Variants in L3MBTL4 observed in about 807,000 individuals in gnomAD.
The protein encoded by L3MBTL4 is L3MBTL histone methyl-lysine binding protein 4.
A neutral mutation model predicts 84.5 loss-of-function variants in L3MBTL4; 70 were observed. The observed-to-expected ratio is 0.83, with a 90% CI of 0.68 to 1.01. The LOEUF (loss-of-function observed/expected upper bound fraction) is 1.01. L3MBTL4 is among the 50% of genes least tolerant of loss of function. L3MBTL4 has a pLI of 0.00. For missense variants in L3MBTL4, 715 were observed against 754.8 expected (o/e 0.95, Z 0.62); for synonymous variants, 274 against 259.8 (o/e 1.05, Z -0.52).
chr18:6,293,079 C>T (rs969607309), intron 4 of L3MBTL4, among the ~76,000 whole-genome samples: 1 of 152,152 alleles, frequency 6.6e-6, no homozygotes, highest in African/African-American at 2.4e-5. Context: ...AGTGTATACC[C>T]CAACTATAAT....
chr18:6,163,266 G>GGT (rs1555675540), intron 13 of L3MBTL4, among the ~76,000 whole-genome samples: 2 of 96,316 alleles, frequency 2.1e-5, no homozygotes, highest in Non-Finnish European at 4.5e-5. Flanking sequence ...GTGTGGGGGG[G>GGT]GGGTGGGTGT....
intron 16 of L3MBTL4, among the ~76,000 whole-genome samples, chr18:6,055,523 C>T (rs564197578): frequency 4.6e-5 from 7 of 152,226 alleles, no homozygotes; most frequent in African/African-American, 1.7e-4. Flanking sequence ...GATTTTTTTG[C>T]TGGGGCAATC....
chr18:6,360,609 G>T (rs1176656282), intron 1 of L3MBTL4, among the ~76,000 whole-genome samples: 5 of 152,148 alleles, frequency 3.3e-5, no homozygotes, highest in African/African-American at 1.2e-4. Flanking sequence ...ACGAGATGGT[G>T]ATCAAATCAT....
chr18:6,357,084 C>T (rs1272530099), intron 1 of L3MBTL4, among the ~76,000 whole-genome samples: 4 of 152,096 alleles, frequency 2.6e-5, no homozygotes, highest in East Asian at 1.9e-4. Context: ...TTGTGCACCA[C>T]GTGACTTTAT....
intron 1 of L3MBTL4, among the ~76,000 whole-genome samples, chr18:6,399,103 T>C (rs576104332): frequency 1.3e-5 from 2 of 152,198 alleles, no homozygotes; most frequent in Non-Finnish European, 2.9e-5. Context: ...TAAGGCCACA[T>C]GAAACCTCTT....
chr18:6,259,838 G>A (rs988974583), intron 5 of L3MBTL4: 5 of 152,106 alleles, frequency 3.3e-5, no homozygotes, highest in African/African-American at 1.2e-4. Context: ...TTGCTTTTGA[G>A]GATTTAGTCA....
chr18:5,985,438 C>T (rs1388148076), intron 16 of L3MBTL4, among the ~76,000 whole-genome samples: 3 of 152,132 alleles, frequency 2.0e-5, no homozygotes, highest in Non-Finnish European at 4.4e-5. Context: ...TGGCCCAACA[C>T]TCAGGCAGTG....
chr18:6,338,290 A>G (rs894751405), intron 1 of L3MBTL4, among the ~76,000 whole-genome samples: 7 of 151,996 alleles, frequency 4.6e-5, no homozygotes, highest in African/African-American at 1.4e-4. Flanking sequence ...AAGAAAAATG[A>G]TCCCCAACAG....
At chr18:6,072,491 T>C (rs183980859) in intron 16 of L3MBTL4, among the ~76,000 whole-genome samples, 27 of 152,188 alleles carry the variant, frequency 1.8e-4, no homozygotes, top group Admixed American at 1.6e-3. Context: ...ACTCATGGAA[T>C]GCAGGAAAAG....
At chr18:6,117,365 A>G (rs1276177266) in intron 14 of L3MBTL4, among the ~76,000 whole-genome samples, 1 of 152,196 alleles carries the variant, frequency 6.6e-6, no homozygotes, top group African/African-American at 2.4e-5. Flanking sequence ...AAGGGAAATA[A>G]CCCAGAAATT....
chr18:6,043,039 G>A (rs572596483), intron 16 of L3MBTL4, among the ~76,000 whole-genome samples: 2 of 152,260 alleles, frequency 1.3e-5, no homozygotes, highest in Non-Finnish European at 2.9e-5. Context: ...CTATTCAGTT[G>A]TCCAAGCCAT....
intron 1 of L3MBTL4, among the ~76,000 whole-genome samples, chr18:6,378,178 T>C (rs2054449497): frequency 1.3e-5 from 2 of 152,240 alleles, no homozygotes; most frequent in African/African-American, 4.8e-5. Flanking sequence ...TGTTTTTTTC[T>C]TGTAAATTTG....
intron 14 of L3MBTL4, among the ~76,000 whole-genome samples, chr18:6,126,784 T>A (rs1273108287): frequency 6.6e-6 from 1 of 152,254 alleles, no homozygotes; most frequent in Admixed American, 6.5e-5. Flanking sequence ...ATGCTTTTAC[T>A]AAATTGGGTA....
At chr18:6,252,155 T>C (rs1233617673) in intron 5 of L3MBTL4, among the ~76,000 whole-genome samples, 1 of 152,036 alleles carries the variant, frequency 6.6e-6, no homozygotes, top group Non-Finnish European at 1.5e-5. Flanking sequence ...CTACTAAAAA[T>C]ACAAAAAATT....
At chr18:6,209,839 C>T (rs761475845) in intron 12 of L3MBTL4, among the ~76,000 whole-genome samples, 1 of 152,160 alleles carries the variant, frequency 6.6e-6, no homozygotes, top group Non-Finnish European at 1.5e-5. Context: ...ATATTTACTA[C>T]AGTATGGATG....
chr18:6,345,215 CAAAAAAAAAAA>C (rs35502624), intron 1 of L3MBTL4, among the ~76,000 whole-genome samples: 2 of 38,498 alleles, frequency 5.2e-5, no homozygotes, highest in East Asian at 7.1e-4. Flanking sequence ...TACTAAAATA[CAAAAAAAAAAA>C]AAAAAAAAAA....
At chr18:6,348,803 T>C (rs1257097654) in intron 1 of L3MBTL4, among the ~76,000 whole-genome samples, 1 of 152,116 alleles carries the variant, frequency 6.6e-6, no homozygotes, top group Non-Finnish European at 1.5e-5. Flanking sequence ...CTGCAACACA[T>C]TGGTCACATG....
chr18:6,298,724 A>G (rs2050208572), intron 4 of L3MBTL4, among the ~76,000 whole-genome samples: 1 of 152,280 alleles, frequency 6.6e-6, no homozygotes, highest in East Asian at 1.9e-4. Context: ...AATACAAAAA[A>G]TTAGCCAGGC....
At chr18:6,368,643 G>A (rs1407748533) in intron 1 of L3MBTL4, among the ~76,000 whole-genome samples, 7 of 152,202 alleles carry the variant, frequency 4.6e-5, no homozygotes, top group Admixed American at 4.6e-4. Context: ...AGTATACCAA[G>A]TGGTCCCTTG....
Sources: gnomAD v4.1 joint callset for allele counts (sites outside exome capture counted in the v4.1 genomes callset) on GRCh38, gnomAD v4.1.1 for gene constraint, MANE v1.5 for transcripts, NCBI Gene and HGNC (gene_info 2026-07-23, HGNC 2026-07-21) for gene names.